IMMP2L: variants seen among roughly 807,000 people sequenced by gnomAD.
IMMP2L encodes mitochondrial inner membrane protease subunit 2.
A neutral mutation model predicts 19.3 loss-of-function variants in IMMP2L; 18 were observed. The observed-to-expected ratio is 0.93, with a 90% CI of 0.64 to 1.38. The LOEUF is 1.38. Ranked by LOEUF, IMMP2L falls within the 40% of genes most tolerant of loss-of-function variation. The probability of loss-of-function intolerance (pLI) is 0.00; values close to 1 mark genes in which losing one functional copy is unlikely to be tolerated. For synonymous variants in IMMP2L, 76 were observed against 73.0 expected (o/e 1.04, Z -0.21); for missense variants, 233 against 218.2 (o/e 1.07, Z -0.43).
chr7:110,811,419 A>G (rs934806660), intron 5 of IMMP2L, among the ~76,000 whole-genome samples: 2 of 152,040 alleles, frequency 1.3e-5, no homozygotes, highest in Non-Finnish European at 2.9e-5. Context: ...ATAAAGGTTC[A>G]TATATTCATA....
chr7:111,062,944 T>C (rs1794153969), intron 3 of IMMP2L, among the ~76,000 whole-genome samples: 1 of 152,212 alleles, frequency 6.6e-6, no homozygotes, highest in Admixed American at 6.5e-5. Flanking sequence ...TCCAGGCACA[T>C]GGTGCAAGTT....
At chr7:111,379,944 G>A (rs1188306845) in intron 3 of IMMP2L, among the ~76,000 whole-genome samples, 1 of 151,834 alleles carries the variant, frequency 6.6e-6, no homozygotes, top group Non-Finnish European at 1.5e-5. Context: ...AGTGGCAACT[G>A]TTCTCCATAG....
At chr7:110,890,692 A>G (rs529718369) in intron 4 of IMMP2L, among the ~76,000 whole-genome samples, 53 of 152,278 alleles carry the variant, frequency 3.5e-4, no homozygotes, top group Admixed American at 9.2e-4. Context: ...TGACTTGCAA[A>G]TAATTTTGGT....
chr7:111,121,486 T>C (rs922632532), intron 3 of IMMP2L, among the ~76,000 whole-genome samples: 3 of 152,154 alleles, frequency 2.0e-5, no homozygotes, highest in Non-Finnish European at 2.9e-5. Context: ...AAAATGATCA[T>C]CATCACTGGC....
At chr7:111,060,873 T>A (rs1793954110) in intron 3 of IMMP2L, among the ~76,000 whole-genome samples, 1 of 152,218 alleles carries the variant, frequency 6.6e-6, no homozygotes, top group African/African-American at 2.4e-5. Flanking sequence ...ACTTTAGCTA[T>A]TTCACTTACT....
intron 3 of IMMP2L, chr7:111,391,869 G>A (rs1340008635): frequency 4.3e-6 from 3 of 702,538 alleles, no homozygotes; most frequent in Non-Finnish European, 7.8e-6. Context: ...TCTCCAGATG[G>A]GATTCCTGCC....
intron 1 of IMMP2L, among the ~76,000 whole-genome samples, chr7:111,526,817 T>C (rs1846911856): frequency 2.0e-5 from 3 of 152,186 alleles, no homozygotes; most frequent in East Asian, 1.9e-4. Flanking sequence ...CCTGCATGCA[T>C]GGACCTTCAC....
intron 3 of IMMP2L, among the ~76,000 whole-genome samples, chr7:111,015,577 A>G (rs1187545568): frequency 6.6e-6 from 1 of 152,172 alleles, no homozygotes; most frequent in Non-Finnish European, 1.5e-5. Flanking sequence ...AATAGAAAAA[A>G]GGGCCACTTA....
intron 3 of IMMP2L, among the ~76,000 whole-genome samples, chr7:111,118,374 T>C (rs2129586584): frequency 6.6e-6 from 1 of 152,212 alleles, no homozygotes; most frequent in African/African-American, 2.4e-5. Context: ...CATATAATTA[T>C]ACCAAGAAAC....
rs181937825 is a variant in IMMP2L, at chr7:111,060,929, G to A, written c.240-97364C>T. Among the ~76,000 whole-genome samples, 95 of 152,074 alleles carry A rather than the reference G, an allele frequency of 6.2e-4. No individual in the cohort carries two copies. The Middle Eastern group carries it at 0.014, about 22-fold the overall frequency. ...AAACTATAAGAAACCTACATATTAC[G>A]GTTCTCGGATTTAGACAAAGTTAGG... On this transcript the variant is annotated intron_variant, in intron 3 of 5. Coordinates refer to ENST00000405709, the MANE Select transcript of IMMP2L (RefSeq NM_032549.4).
At chr7:111,373,373 T>C (rs1398394110) in intron 3 of IMMP2L, among the ~76,000 whole-genome samples, 1 of 152,044 alleles carries the variant, frequency 6.6e-6, no homozygotes, top group Non-Finnish European at 1.5e-5. Flanking sequence ...TTTGCAAATA[T>C]ACTCAGCAAA....
chr7:110,932,294 C>T (rs1815580234), intron 4 of IMMP2L, among the ~76,000 whole-genome samples: 1 of 152,144 alleles, frequency 6.6e-6, no homozygotes, highest in African/African-American at 2.4e-5. Context: ...ATGTTTAAGC[C>T]CTTTCTGAAA....
At chr7:110,996,486 G>A (rs969141948) in intron 3 of IMMP2L, among the ~76,000 whole-genome samples, 2 of 152,052 alleles carry the variant, frequency 1.3e-5, no homozygotes, top group African/African-American at 4.8e-5. Context: ...AAGCAGCAAG[G>A]CTTAAGAAAT....
In IMMP2L at chr7:111,498,722, A is replaced by T. The variant is rs552691954; in HGVS notation, c.136-11381T>A. Among the ~76,000 whole-genome samples, 30 of 152,296 alleles carry T rather than the reference A, an allele frequency of 2.0e-4. No homozygotes were observed. The South Asian group carries it at 6.2e-3, about 32-fold the overall frequency. On this transcript the variant is annotated intron_variant, in intron 2 of 5. Coordinates refer to ENST00000405709, the MANE Select transcript of IMMP2L (RefSeq NM_032549.4). ...ATCTGTGAACAAATCTGTGAAGATA[A>T]TACCATGGATTTTAGATCCTTTAGT...
intron 3 of IMMP2L, among the ~76,000 whole-genome samples, chr7:111,209,395 T>TC: frequency 1.9e-5 from 1 of 51,986 alleles, no homozygotes; most frequent in South Asian, 4.7e-4. Flanking sequence ...AGACTCCTTC[T>TC]CAAAAAAAAA....
chr7:110,664,532 G>C (rs576510585), intron 5 of IMMP2L, among the ~76,000 whole-genome samples: 1 of 152,302 alleles, frequency 6.6e-6, no homozygotes, highest in South Asian at 2.1e-4. Flanking sequence ...TGAGCCCAAA[G>C]ACAGGAAGGG....
At chr7:111,220,553 A>T (rs1013429747) in intron 3 of IMMP2L, among the ~76,000 whole-genome samples, 1 of 151,934 alleles carries the variant, frequency 6.6e-6, no homozygotes, top group Non-Finnish European at 1.5e-5. Flanking sequence ...TTTCTGTATT[A>T]CTCAGGCTTC....
intron 5 of IMMP2L, among the ~76,000 whole-genome samples, chr7:110,713,793 C>T (rs1795056808): frequency 6.6e-6 from 1 of 151,988 alleles, no homozygotes; most frequent in Admixed American, 6.6e-5. Context: ...TGATTTTGTA[C>T]TCTGAAACTT....
intron 1 of IMMP2L, among the ~76,000 whole-genome samples, chr7:111,523,515 G>T (rs1846548498): frequency 6.6e-6 from 1 of 151,992 alleles, no homozygotes; most frequent in Admixed American, 6.6e-5. Flanking sequence ...GGCTAATTCT[G>T]AATTACCTAC....
Sources: allele counts gnomAD v4.1 joint callset (sites outside exome capture counted in the v4.1 genomes callset), GRCh38; gene constraint gnomAD v4.1.1; transcripts MANE v1.5; gene names NCBI Gene and HGNC (gene_info 2026-07-23, HGNC 2026-07-21).